The following MSRA variants were observed in gnomAD, a reference collection of about 807,000 sequenced individuals.
MSRA encodes the protein mitochondrial peptide methionine sulfoxide reductase.
A neutral mutation model predicts 31.3 loss-of-function variants in MSRA; 54 were observed. That is an observed-to-expected ratio of 1.73 (90% CI 1.39 to 2.17). The LOEUF is 2.17. Ranked by LOEUF, MSRA falls within the 30% of genes most tolerant of loss-of-function variation. The pLI, the probability that MSRA is intolerant of heterozygous loss-of-function variation, is 0.00. For synonymous variants in MSRA, 169 were observed against 116.5 expected, an observed-to-expected ratio of 1.45 and a Z score of -2.90; for missense variants, 507 against 300.9, an observed-to-expected ratio of 1.69 and a Z score of -5.07.
chr8:10,285,840 AAATT>A (rs1425331934), intron 3 of MSRA, among the ~76,000 whole-genome samples: 1 of 152,232 alleles, frequency 6.6e-6, no homozygotes, highest in African/African-American at 2.4e-5. Context: ...TTTTAAAACA[AAATT>A]AAATATTAAT....
At chr8:10,364,624 C>T (rs1343628073) in intron 5 of MSRA, among the ~76,000 whole-genome samples, 4 of 152,182 alleles carry the variant, frequency 2.6e-5, no homozygotes, top group African/African-American at 9.6e-5. Context: ...AGGAGGCTGA[C>T]GATTTGTGGT....
intron 3 of MSRA, among the ~76,000 whole-genome samples, chr8:10,245,446 C>G (rs561911205): frequency 7.9e-4 from 121 of 152,344 alleles, no homozygotes; most frequent in African/African-American, 2.8e-3. Flanking sequence ...GGAACAACCA[C>G]TCTAAAACAT....
At chr8:10,104,928 C>G (rs985637045) in intron 1 of MSRA, among the ~76,000 whole-genome samples, 2 of 152,186 alleles carry the variant, frequency 1.3e-5, no homozygotes, top group Admixed American at 6.5e-5. Context: ...TCTTGTCTCA[C>G]TGTATCTTCA....
chr8:10,057,170 G>A (rs1274859327), intron 1 of MSRA, among the ~76,000 whole-genome samples: 2 of 152,180 alleles, frequency 1.3e-5, no homozygotes, highest in African/African-American at 4.8e-5. Flanking sequence ...TGGGTGAGTG[G>A]TGAAAACTGA....
intron 3 of MSRA, among the ~76,000 whole-genome samples, chr8:10,282,767 CTCTTATCAGTGCACCT>C (rs1408246688): frequency 6.6e-6 from 1 of 152,160 alleles, no homozygotes; most frequent in African/African-American, 2.4e-5. Context: ...ATACCTTCCA[CTCTTATCAGTGCACCT>C]TCTTGACACC....
intron 3 of MSRA, among the ~76,000 whole-genome samples, chr8:10,246,910 C>T (rs1171400210): frequency 6.6e-6 from 1 of 152,066 alleles, no homozygotes; most frequent in Non-Finnish European, 1.5e-5. Flanking sequence ...CCAGGTGTAT[C>T]CTCTCAAGTC....
At chr8:10,166,793 C>T (rs2129044611) in intron 1 of MSRA, among the ~76,000 whole-genome samples, 1 of 152,244 alleles carries the variant, frequency 6.6e-6, no homozygotes. Flanking sequence ...GTGTGGCCTC[C>T]CTGGCCCTCA....
intron 1 of MSRA, among the ~76,000 whole-genome samples, chr8:10,088,388 T>A (rs374362200): frequency 3.9e-5 from 6 of 152,208 alleles, no homozygotes; most frequent in African/African-American, 1.4e-4. Flanking sequence ...CACTCCAATG[T>A]ATGCTGCAGC....
chr8:10,401,801 G>T (rs1027743251), intron 5 of MSRA, among the ~76,000 whole-genome samples: 1 of 152,160 alleles, frequency 6.6e-6, no homozygotes, highest in Non-Finnish European at 1.5e-5. Context: ...AAATAAGCCA[G>T]TTACAAAAAG....
chr8:10,132,282 C>A (rs981782098), intron 1 of MSRA, among the ~76,000 whole-genome samples: 2 of 152,182 alleles, frequency 1.3e-5, no homozygotes, highest in African/African-American at 4.8e-5. Context: ...ATGTTAGATT[C>A]TTGCTCCACT....
At chr8:10,121,888 C>A (rs1230734378) in intron 1 of MSRA, among the ~76,000 whole-genome samples, 1 of 151,066 alleles carries the variant, frequency 6.6e-6, no homozygotes, top group Non-Finnish European at 1.5e-5. Flanking sequence ...GTTATGTTGC[C>A]CAGGCTGGTC....
At chr8:10,115,368 G>A (rs528047097) in intron 1 of MSRA, among the ~76,000 whole-genome samples, 30 of 152,318 alleles carry the variant, frequency 2.0e-4, no homozygotes, top group African/African-American at 7.2e-4. Flanking sequence ...CTGTGATGCA[G>A]CCACAGCCAG....
chr8:10,120,708 A>C (rs186729465), intron 1 of MSRA, among the ~76,000 whole-genome samples: 62 of 152,340 alleles, frequency 4.1e-4, no homozygotes, highest in African/African-American at 1.4e-3. Flanking sequence ...ATTAAAGCGA[A>C]GCCTGGTGAA....
intron 1 of MSRA, among the ~76,000 whole-genome samples, chr8:10,066,364 A>G (rs986083752): frequency 6.6e-6 from 1 of 152,204 alleles, no homozygotes; most frequent in Admixed American, 6.5e-5. Flanking sequence ...CCAACTAACC[A>G]ATGTTCAGAC....
At chr8:10,142,496 A>C (rs1051092597) in intron 1 of MSRA, among the ~76,000 whole-genome samples, 2 of 152,226 alleles carry the variant, frequency 1.3e-5, no homozygotes, top group Non-Finnish European at 2.9e-5. Context: ...ATCAATCTCT[A>C]GGGAAATGTG....
intron 1 of MSRA, among the ~76,000 whole-genome samples, chr8:10,099,110 TGA>T (rs150794471): frequency 2.0e-5 from 3 of 151,190 alleles, no homozygotes; most frequent in South Asian, 2.1e-4. Flanking sequence ...TGTTTGTGAG[TGA>T]GAGAGAGAGA....
Position 10,396,509 on chromosome 8 carries a change from A to AT in MSRA, c.544-31637dup, listed in dbSNP as rs151037010. Reference sequence around the variant, plus strand: ...TGAAGATTCTGCACTGAGAACTTGGATTGTGATCCTGTGAAAGTGTGTCCT... The same window carrying AT: ...TGAAGATTCTGCACTGAGAACTTGGATTTGTGATCCTGTGAAAGTGTGTCCT... On this transcript the variant is annotated intron_variant, in intron 5 of 5. Coordinates refer to ENST00000317173, the MANE Select transcript of MSRA (RefSeq NM_012331.5). Among the ~76,000 whole-genome samples the AT allele has an allele frequency of 2.1e-3, 327 of 152,336 alleles. 1 individual carries two copies. The highest frequency in any genetic ancestry group is 7.7e-3 in the African/African-American group (318 of 41,568).
chr8:10,342,500 T>C (rs1803489751), intron 5 of MSRA, among the ~76,000 whole-genome samples: 1 of 152,202 alleles, frequency 6.6e-6, no homozygotes, highest in African/African-American at 2.4e-5. Flanking sequence ...GAAAAGATTC[T>C]GGAGTTCCCC....
chr8:10,062,228 T>TGCAGCA (rs758672466), intron 1 of MSRA, among the ~76,000 whole-genome samples: 9 of 152,144 alleles, frequency 5.9e-5, no homozygotes, highest in Admixed American at 5.2e-4. Context: ...CTCCTTCCCA[T>TGCAGCA]GCAGCAGCAG....
Sources: allele counts gnomAD v4.1 joint callset (sites outside exome capture counted in the v4.1 genomes callset), GRCh38; gene constraint gnomAD v4.1.1; transcripts MANE v1.5; gene names NCBI Gene and HGNC (gene_info 2026-07-23, HGNC 2026-07-21).